WIPF3: variants seen among roughly 807,000 people sequenced by gnomAD.
WIPF3 encodes WAS/WASL-interacting protein family member 3.
In WIPF3, 33 loss-of-function variants were observed where a neutral mutation model predicts 38.9. The observed-to-expected ratio is 0.85, with a 90% CI of 0.64 to 1.14. The LOEUF is 1.14. WIPF3 is among the 50% of genes most tolerant of loss of function. The pLI, the probability that WIPF3 is intolerant of heterozygous loss-of-function variation, is 0.00. For synonymous variants in WIPF3, 324 were observed against 269.3 expected, an observed-to-expected ratio of 1.20 and a Z score of -1.99; for missense variants, 711 against 652.5, an observed-to-expected ratio of 1.09 and a Z score of -0.98.
chr7:29,851,031 T>A (rs1785086589), intron 2 of WIPF3, among the ~76,000 whole-genome samples: 2 of 152,096 alleles, frequency 1.3e-5, no homozygotes, highest in African/African-American at 2.4e-5. Flanking sequence ...TCAGTGGCAG[T>A]CCCCTCTCCC....
chr7:29,877,342 C>A (rs2128073922), intron 3 of WIPF3, among the ~76,000 whole-genome samples: 1 of 152,318 alleles, frequency 6.6e-6, no homozygotes, highest in South Asian at 2.1e-4. Context: ...TCTGATGTTT[C>A]TTCTCACCTA....
Position 29,878,743 on chromosome 7 carries a change from C to T in WIPF3, c.224-266C>T, listed in dbSNP as rs1785657258. 6.6e-6 allele frequency among the ~76,000 whole-genome samples: 1 copy of T among 152,156 alleles called. No homozygotes were observed. The highest frequency in any genetic ancestry group is 1.5e-5 in the Non-Finnish European group (1 of 68,032). ...CTACAAAATGGCAGTGTTCAGGTCC[C>T]TTTGTTTTGGTCACTTTTCAGGGGA... is the stretch of plus-strand genomic sequence containing the variant. On this transcript the variant is annotated intron_variant, in intron 3 of 8. Transcript: ENST00000242140. This position sits in a 1 kb window ranked among gnomAD's most constrained non-coding sequence, Gnocchi z 4.0.
intron 2 of WIPF3, among the ~76,000 whole-genome samples, chr7:29,859,957 G>A (rs769561226): frequency 1.3e-5 from 2 of 152,122 alleles, no homozygotes; most frequent in Non-Finnish European, 1.5e-5. Context: ...CTGAGAATTG[G>A]CCTTGAGACA....
intron 2 of WIPF3, among the ~76,000 whole-genome samples, chr7:29,838,685 AG>A (rs1784859886): frequency 1.3e-5 from 2 of 152,208 alleles, no homozygotes; most frequent in Non-Finnish European, 2.9e-5. Context: ...ACCGTTTGAC[AG>A]CACCTACCAC....
At chr7:29,910,625 T>C (rs939600483) in intron 8 of WIPF3, among the ~76,000 whole-genome samples, 2 of 152,120 alleles carry the variant, frequency 1.3e-5, no homozygotes, top group African/African-American at 4.8e-5. Context: ...TAAAAATCAG[T>C]TAATGCAATA....
chr7:29,832,742 G>A (rs887538336), intron 1 of WIPF3, among the ~76,000 whole-genome samples: 5 of 152,214 alleles, frequency 3.3e-5, no homozygotes, highest in African/African-American at 4.8e-5. Context: ...CATATTTTAC[G>A]CCATTTTCAA....
intron 7 of WIPF3, among the ~76,000 whole-genome samples, chr7:29,892,847 C>G (rs1258731375): frequency 1.3e-5 from 2 of 152,152 alleles, no homozygotes; most frequent in Non-Finnish European, 2.9e-5. Context: ...AGGCAGATCA[C>G]CTGAGGTCAG....
chr7:29,824,613 G>A (rs1336180489), intron 1 of WIPF3, among the ~76,000 whole-genome samples: 3 of 152,106 alleles, frequency 2.0e-5, no homozygotes, highest in Non-Finnish European at 4.4e-5. Flanking sequence ...TGGGTAAAAC[G>A]GAGGAGGCCC....
intron 1 of WIPF3, among the ~76,000 whole-genome samples, chr7:29,831,933 G>A (rs796494856): frequency 6.6e-6 from 1 of 152,184 alleles, no homozygotes; most frequent in African/African-American, 2.4e-5. Context: ...CATGTGCTGA[G>A]GGATTACAGG....
intron 8 of WIPF3, chr7:29,904,668 G>A: frequency 3.3e-6 from 1 of 304,238 alleles, no homozygotes; most frequent in South Asian, 5.8e-5. Context: ...ATGATGGCCT[G>A]TGAGAAAAAC....
chr7:29,844,901 A>G lies in WIPF3; in HGVS notation c.90+10087A>G, dbSNP rs1784974398. Among the ~76,000 whole-genome samples the G allele has an allele frequency of 1.3e-5, 2 of 152,162 alleles. No individual in the cohort carries two copies. The highest frequency in any genetic ancestry group is 1.5e-5 in the Non-Finnish European group (1 of 68,032). ...CTAAACCAAAAGCCCTTCGATGCAG[A>G]TCTTCTCAAGGATTACTTCTACTTC... is the stretch of plus-strand genomic sequence containing the variant. On this transcript the variant is annotated intron_variant, in intron 2 of 8. Transcript: ENST00000242140. This position sits in a 1 kb window ranked among gnomAD's most constrained non-coding sequence, Gnocchi z 4.8.
At chr7:29,869,340 C>G (rs935817839) in intron 2 of WIPF3, among the ~76,000 whole-genome samples, 1 of 152,216 alleles carries the variant, frequency 6.6e-6, no homozygotes, top group Non-Finnish European at 1.5e-5. Context: ...TATCCCCACT[C>G]TTAACACCAT....
At chr7:29,880,390 C>G (rs1286830874) in intron 4 of WIPF3, among the ~76,000 whole-genome samples, 1 of 152,182 alleles carries the variant, frequency 6.6e-6, no homozygotes, top group Non-Finnish European at 1.5e-5. Flanking sequence ...ATTTTGAGAT[C>G]CAACTTGAAC....
chr7:29,869,701 T>G (rs979996047), intron 2 of WIPF3, among the ~76,000 whole-genome samples: 12 of 152,194 alleles, frequency 7.9e-5, no homozygotes, highest in Non-Finnish European at 1.3e-4. Flanking sequence ...CTAACATTTA[T>G]TCTTATATTT....
intron 4 of WIPF3, among the ~76,000 whole-genome samples, chr7:29,883,076 G>A (rs1181112196): frequency 6.6e-6 from 1 of 152,220 alleles, no homozygotes; most frequent in Admixed American, 6.5e-5. Flanking sequence ...CTCCACCTGA[G>A]TCTTCCATGA....
chr7:29,847,179 T>C (rs1349773216), intron 2 of WIPF3, among the ~76,000 whole-genome samples: 1 of 152,198 alleles, frequency 6.6e-6, no homozygotes, highest in Non-Finnish European at 1.5e-5. Flanking sequence ...TACTTTCATT[T>C]TGGGGACTGG....
intron 4 of WIPF3, among the ~76,000 whole-genome samples, chr7:29,879,955 G>A (rs942166805): frequency 1.3e-5 from 2 of 152,174 alleles, no homozygotes; most frequent in Admixed American, 1.3e-4. Context: ...AAGTCACAAG[G>A]ATGGGGAAAT....
chr7:29,894,339 T>A (rs1051649542), intron 7 of WIPF3, among the ~76,000 whole-genome samples: 1 of 152,076 alleles, frequency 6.6e-6, no homozygotes, highest in African/African-American at 2.4e-5. Flanking sequence ...CCAAAAATAA[T>A]CTCCTGATGT....
At position 29,854,617 on chromosome 7, in the gene WIPF3, C is replaced by T. The variant is rs182570136; in HGVS notation, c.90+19803C>T. Among the ~76,000 whole-genome samples, 1,085 of 152,214 alleles carry T rather than the reference C, an allele frequency of 7.1e-3. 9 individuals carry two copies. The highest frequency in any genetic ancestry group is 0.013 in the South Asian group (64 of 4,812). On this transcript the variant is annotated intron_variant, in intron 2 of 8. Transcript: ENST00000242140. ...GCAGCAGAAGTGACCTGGGCCAGGT[C>T]GCTTGTTCACAATTACCACGTTTCT...
Sources: gnomAD v4.1 joint callset for allele counts (sites outside exome capture counted in the v4.1 genomes callset) on GRCh38, gnomAD v4.1.1 for gene constraint, Gnocchi (gnomAD v3.1) non-coding constraint, MANE v1.5 for transcripts, NCBI Gene and HGNC (gene_info 2026-07-23, HGNC 2026-07-21) for gene names.